ARB2A: variants seen among roughly 807,000 people sequenced by gnomAD.
ARB2A encodes ARB2 cotranscriptional regulator A, also known as cotranscriptional regulator ARB2A.
chr5:93,918,250 A>G, the ARB2A span, among the ~76,000 whole-genome samples: 1 of 152,162 alleles, frequency 6.6e-6, no homozygotes, highest in Non-Finnish European at 1.5e-5. Context: ...CTCTTGTCCA[A>G]CAAAAAATAT....
the ARB2A span, among the ~76,000 whole-genome samples, chr5:93,698,414 T>C: frequency 1.3e-5 from 2 of 151,976 alleles, no homozygotes; most frequent in Non-Finnish European, 2.9e-5. Flanking sequence ...AACTAAAATA[T>C]ATACAGGGCT....
chr5:94,000,992 T>A, the ARB2A span, among the ~76,000 whole-genome samples: 1 of 152,122 alleles, frequency 6.6e-6, no homozygotes, highest in Non-Finnish European at 1.5e-5. Flanking sequence ...CTTTCTATTC[T>A]ATCCCATTGT....
At chr5:93,996,248 C>T in the ARB2A span, among the ~76,000 whole-genome samples, 1 of 151,910 alleles carries the variant, frequency 6.6e-6, no homozygotes, top group Non-Finnish European at 1.5e-5. Flanking sequence ...AGTATACATC[C>T]ATATATACAC....
At chr5:93,960,425 G>T in the ARB2A span, among the ~76,000 whole-genome samples, 1 of 151,912 alleles carries the variant, frequency 6.6e-6, no homozygotes, top group Non-Finnish European at 1.5e-5. Context: ...CTAACATATT[G>T]TATGCTTTAC....
chr5:93,951,035 G>A, the ARB2A span, among the ~76,000 whole-genome samples: 2 of 151,968 alleles, frequency 1.3e-5, no homozygotes, highest in Non-Finnish European at 2.9e-5. Context: ...ACTGGAGTGA[G>A]ATGACATGTC....
At chr5:94,078,610 C>T in the ARB2A span, among the ~76,000 whole-genome samples, 1 of 152,062 alleles carries the variant, frequency 6.6e-6, no homozygotes, top group Admixed American at 6.6e-5. Flanking sequence ...AAAATGGTGG[C>T]TTTTATAACA....
the ARB2A span, among the ~76,000 whole-genome samples, chr5:93,961,898 A>G: frequency 6.6e-6 from 1 of 152,210 alleles, no homozygotes; most frequent in African/African-American, 2.4e-5. Flanking sequence ...AAGGGGTAAG[A>G]GCAGTATTTT....
the ARB2A span, among the ~76,000 whole-genome samples, chr5:93,987,104 C>A: frequency 1.3e-5 from 2 of 152,158 alleles, no homozygotes; most frequent in African/African-American, 2.4e-5. Context: ...AAATTATCAT[C>A]TTGGGACTTA....
At chr5:93,970,598 A>G in the ARB2A span, among the ~76,000 whole-genome samples, 1 of 152,118 alleles carries the variant, frequency 6.6e-6, no homozygotes, top group Non-Finnish European at 1.5e-5. Flanking sequence ...TTCTCCCCAC[A>G]ACCAAAAAAA....
chr5:94,034,309 G>A, the ARB2A span, among the ~76,000 whole-genome samples: 1 of 152,124 alleles, frequency 6.6e-6, no homozygotes, highest in Non-Finnish European at 1.5e-5. Context: ...GAGTAAGCAG[G>A]AAATGGAAAT....
chr5:93,889,184 G>T, the ARB2A span, among the ~76,000 whole-genome samples: 1 of 151,790 alleles, frequency 6.6e-6, no homozygotes, highest in South Asian at 2.1e-4. Flanking sequence ...TTTCAAGGAT[G>T]ATTAACTTTA....
chr5:93,926,973 T>C, the ARB2A span, among the ~76,000 whole-genome samples: 1 of 151,320 alleles, frequency 6.6e-6, no homozygotes, highest in African/African-American at 2.4e-5. Context: ...TTCAACTGTG[T>C]TGGAATTTAG....
At chr5:93,971,836 G>A in the ARB2A span, among the ~76,000 whole-genome samples, 2 of 152,076 alleles carry the variant, frequency 1.3e-5, no homozygotes, top group Non-Finnish European at 2.9e-5. Flanking sequence ...AGGAGCAGAA[G>A]GGAGGCAGAT....
chr5:93,756,672 G>A, the ARB2A span, among the ~76,000 whole-genome samples: 2 of 152,110 alleles, frequency 1.3e-5, no homozygotes, highest in African/African-American at 4.8e-5. Context: ...AGAAAAGGGG[G>A]AGAGTACTAC....
chr5:93,711,755 T>C, the ARB2A span, among the ~76,000 whole-genome samples: 1 of 152,252 alleles, frequency 6.6e-6, no homozygotes, highest in African/African-American at 2.4e-5. Flanking sequence ...CAGAGCATGA[T>C]TGGCTGTGAA....
chr5:93,757,150 T>C, the ARB2A span, among the ~76,000 whole-genome samples: 1 of 151,986 alleles, frequency 6.6e-6, no homozygotes, highest in Admixed American at 6.6e-5. Context: ...GACAAGGTCT[T>C]CTAATTAACC....
chr5:94,036,844 A>C, the ARB2A span, among the ~76,000 whole-genome samples: 1 of 152,144 alleles, frequency 6.6e-6, no homozygotes, highest in Non-Finnish European at 1.5e-5. Flanking sequence ...TCTTTATTAG[A>C]ATCCAGGTTT....
At chr5:93,978,408 A>G in the ARB2A span, among the ~76,000 whole-genome samples, 2 of 152,182 alleles carry the variant, frequency 1.3e-5, no homozygotes, top group Non-Finnish European at 2.9e-5. Context: ...AATGTGGTAC[A>G]CATACATGAT....
the ARB2A span, among the ~76,000 whole-genome samples, chr5:94,036,435 T>C: frequency 6.6e-6 from 1 of 152,162 alleles, no homozygotes; most frequent in Admixed American, 6.5e-5. Flanking sequence ...AATGGGAAAA[T>C]ACAACTGTAA....
Sources: allele counts gnomAD v4.1 joint callset (sites outside exome capture counted in the v4.1 genomes callset), GRCh38; gene constraint gnomAD v4.1.1; transcripts MANE v1.5; gene names NCBI Gene and HGNC (gene_info 2026-07-23, HGNC 2026-07-21).